FANCL: variants seen among roughly 807,000 people sequenced by gnomAD.
FANCL encodes E3 ubiquitin-protein ligase FANCL.
FANCL carries 69 observed loss-of-function variants against 59.4 expected under a neutral mutation model. That is an observed-to-expected ratio of 1.16 (90% confidence interval 0.96 to 1.42). The LOEUF is 1.42. FANCL is among the 40% of genes most tolerant of loss of function. The pLI is 0.00. For missense variants in FANCL, 519 were observed against 447.2 expected, an observed-to-expected ratio of 1.16 and a Z score of -1.45; for synonymous variants, 180 against 147.1, an observed-to-expected ratio of 1.22 and a Z score of -1.62.
At chr2:58,224,669 T>C (rs928652514) in intron 4 of FANCL, among the ~76,000 whole-genome samples, 5 of 152,008 alleles carry the variant, frequency 3.3e-5, no homozygotes, top group Admixed American at 1.3e-4. Context: ...TTGTTAGCAA[T>C]ATTAGTATTG....
intron 1 of FANCL, among the ~76,000 whole-genome samples, chr2:58,232,506 C>T (rs1216254252): frequency 1.3e-5 from 2 of 151,852 alleles, no homozygotes; most frequent in African/African-American, 4.8e-5. Context: ...AAAAACATCA[C>T]AATATAAAAT....
At chr2:58,219,158 AAAAAAAAAAAAAAATATATATATAT>A (rs1248671782) in intron 5 of FANCL, among the ~76,000 whole-genome samples, 1 of 97,856 alleles carries the variant, frequency 1.0e-5, no homozygotes, top group African/African-American at 5.8e-5. Context: ...AAAAAAAAAA[AAAAAAAAAAAAAAATATATATATAT>A]ATATATATAT....
intron 3 of FANCL, among the ~76,000 whole-genome samples, chr2:58,228,007 T>C (rs538674058): frequency 2.0e-5 from 3 of 152,158 alleles, no homozygotes; most frequent in African/African-American, 7.2e-5. Flanking sequence ...ATCAGGCAAC[T>C]CTATGTAATT....
chr2:58,219,979 T>C (rs1692308281), intron 5 of FANCL, among the ~76,000 whole-genome samples: 1 of 151,886 alleles, frequency 6.6e-6, no homozygotes, highest in South Asian at 2.1e-4. Context: ...TCCAAGTCAG[T>C]GGCATCCTCA....
chr2:58,220,452 G>A (rs561287912), intron 5 of FANCL, among the ~76,000 whole-genome samples: 6 of 152,274 alleles, frequency 3.9e-5, no homozygotes, highest in Admixed American at 2.0e-4. Context: ...GCCTTTTAAG[G>A]AATATAAAGG....
intron 7 of FANCL, among the ~76,000 whole-genome samples, chr2:58,196,797 T>C (rs999661491): frequency 6.6e-6 from 1 of 151,902 alleles, no homozygotes; most frequent in Non-Finnish European, 1.5e-5. Flanking sequence ...CAGTGTATTT[T>C]TCAACCTTGG....
chr2:58,161,548 G>T lies in FANCL; in HGVS notation c.994C>A (p.Pro332Thr). Residue 332 changes from proline to threonine, a missense_variant, in exon 12 of 14, where the codon CCT (proline) becomes ACT (threonine). Transcript: ENST00000233741. ...TCATATAAGCATATTTGATGGAAAG[G>T]TTGTCCACACTGAGAATTATCACAC... Reference protein sequence around the residue: ...QVCDNSQCGQPFHQICLYEWL... With the variant: ...QVCDNSQCGQTFHQICLYEWL... The T allele has an allele frequency of 6.2e-7, 1 of 1,609,736 alleles. No homozygotes were observed. The highest frequency in any genetic ancestry group is 8.5e-7 in the Non-Finnish European group (1 of 1,176,402).
intron 7 of FANCL, among the ~76,000 whole-genome samples, chr2:58,169,203 A>G (rs990209672): frequency 2.0e-5 from 3 of 152,224 alleles, no homozygotes; most frequent in African/African-American, 7.2e-5. Context: ...GCTTCCAGAG[A>G]AAGGAACAGG....
intron 11 of FANCL, among the ~76,000 whole-genome samples, chr2:58,162,414 T>A (rs1163102664): frequency 6.6e-6 from 1 of 151,952 alleles, no homozygotes; most frequent in Non-Finnish European, 1.5e-5. Flanking sequence ...ATTAATGACG[T>A]CACTACTGAA....
At position 58,208,222 on chromosome 2, in the gene FANCL, C is replaced by G. The variant is rs147576475; in HGVS notation, c.375-3996G>C. On this transcript the variant is annotated intron_variant, in intron 5 of 13. Coordinates refer to ENST00000233741, the MANE Select transcript of FANCL (RefSeq NM_018062.4). Reference sequence around the variant, plus strand: ...TTTAAATAAAATGCTAGCAATAAGCCCACAAAATAAGAATTAAGATTTGTA... The same window carrying G: ...TTTAAATAAAATGCTAGCAATAAGCGCACAAAATAAGAATTAAGATTTGTA... Among the ~76,000 whole-genome samples the G allele has an allele frequency of 4.2e-3, 632 of 151,758 alleles. 7 individuals carry two copies. Among genetic ancestry groups the G allele is most frequent in the African/African-American group, 0.014 (591 of 41,376 alleles).
At chr2:58,170,555 T>C (rs1367083823) in intron 7 of FANCL, among the ~76,000 whole-genome samples, 2 of 151,980 alleles carry the variant, frequency 1.3e-5, no homozygotes, top group African/African-American at 4.8e-5. Flanking sequence ...ATCCCCCAAT[T>C]AAAAGACACA....
intron 5 of FANCL, among the ~76,000 whole-genome samples, chr2:58,217,829 T>G (rs1280884343): frequency 6.6e-6 from 1 of 151,684 alleles, no homozygotes; most frequent in Non-Finnish European, 1.5e-5. Flanking sequence ...ATTGGATATC[T>G]GACACACATA....
intron 7 of FANCL, among the ~76,000 whole-genome samples, chr2:58,168,934 C>T (rs981453699): frequency 5.3e-5 from 8 of 152,162 alleles, no homozygotes; most frequent in African/African-American, 1.9e-4. Context: ...TCTGAAAGAA[C>T]AGCAGCAGCC....
At chr2:58,219,686 T>G (rs1286289221) in intron 5 of FANCL, among the ~76,000 whole-genome samples, 1 of 152,038 alleles carries the variant, frequency 6.6e-6, no homozygotes, top group Non-Finnish European at 1.5e-5. Flanking sequence ...TACAGAAATA[T>G]AAATCCTATA....
At chr2:58,191,009 T>C (rs1487812883) in intron 7 of FANCL, among the ~76,000 whole-genome samples, 2 of 151,834 alleles carry the variant, frequency 1.3e-5, no homozygotes, top group Non-Finnish European at 2.9e-5. Flanking sequence ...ACCTATTGGA[T>C]CTTTATTCTC....
chr2:58,168,880 A>T (rs1686236533), intron 7 of FANCL, among the ~76,000 whole-genome samples: 1 of 152,176 alleles, frequency 6.6e-6, no homozygotes, highest in Non-Finnish European at 1.5e-5. Flanking sequence ...AAGCCTCTGT[A>T]GCCAGACTGC....
intron 7 of FANCL, among the ~76,000 whole-genome samples, chr2:58,172,156 C>G (rs1336701474): frequency 6.6e-6 from 1 of 152,246 alleles, no homozygotes; most frequent in East Asian, 1.9e-4. Flanking sequence ...TCTGTAGGCT[C>G]CACCTCTGGG....
At chr2:58,211,970 G>A (rs193138435) in intron 5 of FANCL, among the ~76,000 whole-genome samples, 6 of 152,178 alleles carry the variant, frequency 3.9e-5, no homozygotes, top group East Asian at 1.9e-4. Flanking sequence ...CTTCCAAACC[G>A]TTCCAACCTC....
At chr2:58,181,369 A>C (rs1169204914) in intron 7 of FANCL, among the ~76,000 whole-genome samples, 2 of 152,054 alleles carry the variant, frequency 1.3e-5, no homozygotes, top group African/African-American at 4.8e-5. Context: ...GTGGAAAACA[A>C]TCAAAATAAT....
Sources: allele counts gnomAD v4.1 joint callset (sites outside exome capture counted in the v4.1 genomes callset), GRCh38; gene constraint gnomAD v4.1.1; transcripts MANE v1.5; gene names NCBI Gene and HGNC (gene_info 2026-07-23, HGNC 2026-07-21).